Variants in MINDY2 observed in about 807,000 individuals in gnomAD.
MINDY2 encodes the protein ubiquitin carboxyl-terminal hydrolase MINDY-2.
Under a neutral mutation model 68.2 loss-of-function variants are expected in MINDY2, and 52 were observed. That is an observed-to-expected ratio of 0.76 (90% CI 0.61 to 0.96). The LOEUF is 0.96. MINDY2 is among the 40% of genes least tolerant of loss of function. MINDY2 has a pLI of 0.00. For synonymous variants in MINDY2, 372 were observed against 303.0 expected, an observed-to-expected ratio of 1.23 and a Z score of -2.36; for missense variants, 881 against 773.4, an observed-to-expected ratio of 1.14 and a Z score of -1.65.
chr15:58,825,086 T>C (rs949784791), intron 5 of MINDY2, among the ~76,000 whole-genome samples: 2 of 152,230 alleles, frequency 1.3e-5, no homozygotes, highest in Admixed American at 6.5e-5. Flanking sequence ...AAAGCCGACT[T>C]GTTTCTAATC....
chr15:58,830,038 C>T (rs2031628860), intron 5 of MINDY2, among the ~76,000 whole-genome samples: 1 of 152,122 alleles, frequency 6.6e-6, no homozygotes, highest in Non-Finnish European at 1.5e-5. Flanking sequence ...CCCTTCCCTC[C>T]TCCCCCATTG....
In MINDY2 at chr15:58,810,325, A is replaced by G. The variant is rs1283363429; in HGVS notation, c.1059A>G (p.Pro353=). The G allele has an allele frequency of 6.2e-7, 1 of 1,613,862 alleles. No individual in the cohort carries two copies. The highest frequency in any genetic ancestry group is 8.5e-7 in the Non-Finnish European group (1 of 1,179,884). Residue 353 remains proline, a synonymous_variant, in exon 4 of 9, where the codon CCA becomes CCG. Transcript: ENST00000559228. ...FTGVRVFEYT[P]ECIVFDLLDI... ...GTGTTCGAGTGTTTGAATATACACCAGAATGCATAGTATTTGATCTTCTTG... is the reference window on the plus strand; with the variant it reads ...GTGTTCGAGTGTTTGAATATACACCGGAATGCATAGTATTTGATCTTCTTG...
At chr15:58,806,534 G>A (rs1427946173) in intron 3 of MINDY2, among the ~76,000 whole-genome samples, 3 of 151,740 alleles carry the variant, frequency 2.0e-5, no homozygotes, top group Non-Finnish European at 2.9e-5. Flanking sequence ...TCTTTTAACC[G>A]TTTTATTAAT....
chr15:58,830,758 A>G (rs538848446), intron 5 of MINDY2, among the ~76,000 whole-genome samples: 1 of 152,264 alleles, frequency 6.6e-6, no homozygotes, highest in East Asian at 1.9e-4. Context: ...ACATGGCACT[A>G]AATAGACCAT....
intron 1 of MINDY2, among the ~76,000 whole-genome samples, chr15:58,775,422 TTATA>T (rs1158707475): frequency 1.5e-4 from 23 of 152,202 alleles, no homozygotes; most frequent in Non-Finnish European, 2.9e-4. Flanking sequence ...TGTTTAGACT[TTATA>T]TATAGCTGAT....
At chr15:58,829,421 G>C (rs1203686849) in intron 5 of MINDY2, among the ~76,000 whole-genome samples, 1 of 152,134 alleles carries the variant, frequency 6.6e-6, no homozygotes, top group Non-Finnish European at 1.5e-5. Context: ...GCCATAACTA[G>C]TTTGATGTCC....
intron 6 of MINDY2, among the ~76,000 whole-genome samples, chr15:58,832,271 G>A (rs2031766002): frequency 1.3e-5 from 2 of 148,726 alleles, no homozygotes; most frequent in Admixed American, 1.4e-4. Flanking sequence ...TTGTTGCCCA[G>A]GCTGGAGTGC....
chr15:58,802,476 T>TC, intron 3 of MINDY2, 99 bp downstream of exon 3: 1 of 714,648 alleles, frequency 1.4e-6, no homozygotes, highest in Non-Finnish European at 2.3e-6. Flanking sequence ...AAGGATTAGA[T>TC]AGTAAACACT....
At chr15:58,801,821 G>A (rs1216171527) in intron 2 of MINDY2, among the ~76,000 whole-genome samples, 3 of 151,986 alleles carry the variant, frequency 2.0e-5, no homozygotes, top group African/African-American at 4.8e-5. Context: ...TGTATTTTTA[G>A]TAGAGTTGGC....
At position 58,842,056 on chromosome 15, in the gene MINDY2, G is replaced by C. The variant is rs149204761; in HGVS notation, c.1369-5241G>C. Among the ~76,000 whole-genome samples the C allele has an allele frequency of 4.0e-3, 609 of 151,800 alleles. 6 individuals carry two copies. Among genetic ancestry groups the C allele is most frequent in the African/African-American group, 0.014 (597 of 41,388 alleles). On this transcript the variant is annotated intron_variant, in intron 6 of 8. Coordinates refer to ENST00000559228, the MANE Select transcript of MINDY2 (RefSeq NM_001040450.3). ...TCTTAACTAAGATTACATAGCCCCT[G>C]TCTAGATCACATAGCTTCTAGATCT...
At chr15:58,775,474 A>G (rs1337490523) in intron 1 of MINDY2, among the ~76,000 whole-genome samples, 1 of 152,232 alleles carries the variant, frequency 6.6e-6, no homozygotes, top group African/African-American at 2.4e-5. Flanking sequence ...AAGAAATGAC[A>G]TGAAGAAAGT....
chr15:58,802,452 A>C lies in MINDY2; in HGVS notation c.963+75A>C, dbSNP rs1177396090. Reference sequence around the variant, plus strand: ...ACATTGGTTTCTATTAGTAGCTGGCAGCATTTTTCTATAAAGGATTAGATA... The same window carrying C: ...ACATTGGTTTCTATTAGTAGCTGGCCGCATTTTTCTATAAAGGATTAGATA... On this transcript the variant is annotated intron_variant, in intron 3 of 8. Coordinates refer to ENST00000559228, the MANE Select transcript of MINDY2 (RefSeq NM_001040450.3). The C allele has an allele frequency of 3.2e-6, 3 of 947,758 alleles. No homozygotes were observed. In the South Asian group the frequency reaches 5.0e-5, roughly 16 times the overall value. The allele number at this position is 947,758 out of a possible 1,614,324, so 58.7% of individuals were successfully genotyped here.
rs145886213 is a variant in MINDY2 at position 58,856,534 on chromosome 15, C to T, written c.*1924C>T. 3.9e-4 allele frequency: 59 copies of T among 152,396 alleles called. No homozygotes were observed. Among genetic ancestry groups the T allele is most frequent in the African/African-American group, 1.3e-3 (53 of 41,540 alleles). 9.4% of individuals were successfully genotyped at this position (152,396 alleles called of 1,614,324 possible). A position where few individuals can be genotyped will look rare whatever the true frequency, so the allele number is the denominator to read the frequency against. ...GGTAGCATGATAAATCATCAAAGAA[C>T]CTGTTTGGGATATAAAACTCTGATA... On this transcript the variant is annotated 3_prime_UTR_variant, in exon 9 of 9. Transcript: ENST00000559228.
chr15:58,785,117 G>A (rs537759676), intron 1 of MINDY2, among the ~76,000 whole-genome samples: 38 of 130,346 alleles, frequency 2.9e-4, no homozygotes, highest in Admixed American at 1.5e-3. Flanking sequence ...CTTTTGAAGT[G>A]ATGGTGGTGA....
intron 1 of MINDY2, among the ~76,000 whole-genome samples, chr15:58,774,167 C>CCAA (rs1246648026): frequency 5.3e-5 from 8 of 152,146 alleles, no homozygotes; most frequent in African/African-American, 9.7e-5. Flanking sequence ...TTTGGGTTCC[C>CCAA]ACTGTGCGTG....
chr15:58,838,746 C>A (rs2032130448), intron 6 of MINDY2, among the ~76,000 whole-genome samples: 1 of 151,770 alleles, frequency 6.6e-6, no homozygotes, highest in Non-Finnish European at 1.5e-5. Context: ...ACCACCACTC[C>A]TGGCTTATTT....
chr15:58,815,865 A>G (rs906329251), intron 4 of MINDY2: 1 of 151,858 alleles, frequency 6.6e-6, no homozygotes. Context: ...TTTTTAGTAG[A>G]GACGGGGCTT....
intron 1 of MINDY2, among the ~76,000 whole-genome samples, chr15:58,778,810 C>CTTTTTTTTTTTTTTT (rs1182523003): frequency 8.7e-6 from 1 of 114,376 alleles, no homozygotes; most frequent in African/African-American, 3.5e-5. Context: ...TTCTTTTTTT[C>CTTTTTTTTTTTTTTT]TTTTTTTTTT....
chr15:58,846,702 T>G (rs1195571329), intron 6 of MINDY2, among the ~76,000 whole-genome samples: 2 of 152,084 alleles, frequency 1.3e-5, no homozygotes, highest in African/African-American at 4.8e-5. Context: ...GTACAGAGTT[T>G]ATGTGATAAG....
Sources: allele counts gnomAD v4.1 joint callset (sites outside exome capture counted in the v4.1 genomes callset), GRCh38; gene constraint gnomAD v4.1.1; transcripts MANE v1.5; gene names NCBI Gene and HGNC (gene_info 2026-07-23, HGNC 2026-07-21).